TMEFF1: variants seen among roughly 807,000 people sequenced by gnomAD.
The protein encoded by TMEFF1 is transmembrane protein with EGF like and two follistatin like domains 1.
A neutral mutation model predicts 47.5 loss-of-function variants in TMEFF1; 20 were observed. That is an observed-to-expected ratio of 0.42 (90% CI 0.30 to 0.61). The LOEUF (loss-of-function observed/expected upper bound fraction) is 0.61. Among genes scored for constraint, TMEFF1 ranks in the 20% least tolerant of loss-of-function variants. The pLI, the probability that TMEFF1 is intolerant of heterozygous loss-of-function variation, is 0.19. For missense variants in TMEFF1, 411 were observed against 471.1 expected, an observed-to-expected ratio of 0.87 and a Z score of 1.18; for synonymous variants, 162 against 166.3, an observed-to-expected ratio of 0.97 and a Z score of 0.20.
At chr9:100,543,608 T>A (rs915770696) in intron 5 of TMEFF1, among the ~76,000 whole-genome samples, 1 of 151,986 alleles carries the variant, frequency 6.6e-6, no homozygotes, top group Non-Finnish European at 1.5e-5. Flanking sequence ...CAGGGGTGTG[T>A]CCAATCATTT....
chr9:100,513,352 T>C lies in TMEFF1; in HGVS notation c.463+19T>C. The C allele has an allele frequency of 6.4e-7, 1 of 1,571,720 alleles. No individual in the cohort carries two copies. ...GAAGGAGGTAAGTTTCAAGTACCTC[T>C]TAAAGGATATTTGCTTTTCTTTCTT... On this transcript the variant is annotated intron_variant, in intron 4 of 9. Coordinates refer to ENST00000374879, the MANE Select transcript of TMEFF1 (RefSeq NM_003692.5).
At chr9:100,553,220 C>T (rs1038239034) in intron 7 of TMEFF1, among the ~76,000 whole-genome samples, 3 of 152,158 alleles carry the variant, frequency 2.0e-5, no homozygotes, top group African/African-American at 7.2e-5. Flanking sequence ...AAAGACGAAA[C>T]CCAAATTGTA....
intron 1 of TMEFF1, among the ~76,000 whole-genome samples, chr9:100,488,835 T>A (rs531412669): frequency 1.3e-5 from 2 of 152,346 alleles, no homozygotes; most frequent in African/African-American, 2.4e-5. Context: ...TGCCTGTTTT[T>A]AATTTTTTTA....
rs533263256 is a variant in TMEFF1, at chr9:100,559,099, G to A, written c.776-2298G>A. 4.9e-4 allele frequency among the ~76,000 whole-genome samples: 75 copies of A among 152,208 alleles called. 1 individual carries two copies. The South Asian group carries it at 0.015, about 30-fold the overall frequency. ...TAAATGTTAGGAGTTATACAGAAAC[G>A]AATAACACAAGCAGCTAGATTATTA... On this transcript the variant is annotated intron_variant, in intron 7 of 9. Coordinates refer to ENST00000374879, the MANE Select transcript of TMEFF1 (RefSeq NM_003692.5).
intron 1 of TMEFF1, among the ~76,000 whole-genome samples, chr9:100,493,479 C>T (rs978022867): frequency 6.6e-6 from 1 of 152,146 alleles, no homozygotes; most frequent in African/African-American, 2.4e-5. Flanking sequence ...AGCTCAGGTT[C>T]ATAGAAAGCA....
chr9:100,543,120 G>A (rs1484069582), intron 5 of TMEFF1, among the ~76,000 whole-genome samples: 1 of 152,036 alleles, frequency 6.6e-6, no homozygotes. Flanking sequence ...TAGAGACAGG[G>A]TGTCTCCATG....
intron 7 of TMEFF1, among the ~76,000 whole-genome samples, chr9:100,553,575 T>G (rs961106503): frequency 1.3e-5 from 2 of 152,218 alleles, no homozygotes; most frequent in African/African-American, 4.8e-5. Context: ...GAATTAGAGC[T>G]TTTCTTGGGC....
chr9:100,541,021 A>G (rs1409585072), intron 5 of TMEFF1, among the ~76,000 whole-genome samples: 3 of 151,966 alleles, frequency 2.0e-5, no homozygotes, highest in Non-Finnish European at 2.9e-5. Flanking sequence ...TATTCTCTTT[A>G]TGGGGCATTG....
intron 2 of TMEFF1, among the ~76,000 whole-genome samples, 164 bp from the exon 3 acceptor site, chr9:100,508,841 T>C (rs1231564203): frequency 2.0e-5 from 3 of 149,136 alleles, no homozygotes; most frequent in Non-Finnish European, 3.0e-5. Context: ...TGAAAAAAGG[T>C]ATGAAGAAGT....
intron 1 of TMEFF1, among the ~76,000 whole-genome samples, chr9:100,487,702 A>G (rs1411992195): frequency 1.3e-5 from 2 of 150,636 alleles, no homozygotes; most frequent in Non-Finnish European, 2.9e-5. Context: ...TTTTCTTCAT[A>G]GTTTGCAGTG....
chr9:100,568,582 C>T (rs1398292709), intron 8 of TMEFF1, among the ~76,000 whole-genome samples: 2 of 138,746 alleles, frequency 1.4e-5, no homozygotes, highest in African/African-American at 5.2e-5. Flanking sequence ...CTCCCTCCTT[C>T]CTTCCCTCCC....
At chr9:100,546,159 A>G (rs1220139948) in intron 5 of TMEFF1, among the ~76,000 whole-genome samples, 1 of 152,048 alleles carries the variant, frequency 6.6e-6, no homozygotes, top group South Asian at 2.1e-4. Flanking sequence ...TATTGTATTA[A>G]TCTGTTTTCA....
At chr9:100,496,080 G>A (rs150345321) in intron 1 of TMEFF1, among the ~76,000 whole-genome samples, 71 of 152,324 alleles carry the variant, frequency 4.7e-4, no homozygotes, top group African/African-American at 1.5e-3. Flanking sequence ...GAGCATCAAA[G>A]CAGAGCTTAT....
At chr9:100,564,861 A>G (rs1216240588) in intron 8 of TMEFF1, among the ~76,000 whole-genome samples, 1 of 152,204 alleles carries the variant, frequency 6.6e-6, no homozygotes, top group East Asian at 1.9e-4. Context: ...TGGATTGCAG[A>G]GAGATCATTA....
rs184599954 is a variant in TMEFF1, at chr9:100,557,050, T to C, written c.776-4347T>C. ...TAACCTTTTAATTGGTCACCTGATATATATATATGGTCTTCCTAGTTCCCC... is the reference window on the plus strand; with the variant it reads ...TAACCTTTTAATTGGTCACCTGATACATATATATGGTCTTCCTAGTTCCCC... On this transcript the variant is annotated intron_variant, in intron 7 of 9. Transcript: ENST00000374879. 3.7e-3 allele frequency among the ~76,000 whole-genome samples: 553 copies of C among 150,814 alleles called. 2 individuals carry two copies. The highest frequency in any genetic ancestry group is 0.014 in the Middle Eastern group (4 of 294).
At chr9:100,543,704 A>AAAAAACAC (rs1038685574) in intron 5 of TMEFF1, among the ~76,000 whole-genome samples, 1 of 138,824 alleles carries the variant, frequency 7.2e-6, no homozygotes, top group Non-Finnish European at 1.6e-5. Flanking sequence ...GATGAAGTAA[A>AAAAAACAC]ACACACACAC....
At chr9:100,562,600 C>T (rs1277964268) in intron 8 of TMEFF1, among the ~76,000 whole-genome samples, 7 of 151,490 alleles carry the variant, frequency 4.6e-5, no homozygotes, top group Non-Finnish European at 1.0e-4. Context: ...TCTAGCTGTA[C>T]GAATGGTAAC....
At chr9:100,535,776 A>G (rs13289939) in intron 5 of TMEFF1, among the ~76,000 whole-genome samples, 2 of 152,186 alleles carry the variant, frequency 1.3e-5, no homozygotes, top group African/African-American at 4.8e-5. Flanking sequence ...AAAACAAAAC[A>G]AAACTAAACT....
chr9:100,557,255 A>C (rs573050332), intron 7 of TMEFF1, among the ~76,000 whole-genome samples: 1 of 151,952 alleles, frequency 6.6e-6, no homozygotes, highest in East Asian at 1.9e-4. Context: ...TACACCCCTA[A>C]AAGAACCTCC....
Sources: gnomAD v4.1 joint callset for allele counts (sites outside exome capture counted in the v4.1 genomes callset) on GRCh38, gnomAD v4.1.1 for gene constraint, MANE v1.5 for transcripts, NCBI Gene and HGNC (gene_info 2026-07-23, HGNC 2026-07-21) for gene names.